MTUS2: variants seen among roughly 807,000 people sequenced by gnomAD.
The protein encoded by MTUS2 is microtubule associated scaffold protein 2, also known as microtubule-associated tumor suppressor candidate 2.
MTUS2 carries 40 observed loss-of-function variants against 114.1 expected under a neutral mutation model. The observed-to-expected ratio is 0.35, with a 90% CI of 0.27 to 0.46. The LOEUF is 0.46. Among genes scored for constraint, MTUS2 ranks in the 20% least tolerant of loss-of-function variants. The pLI is 1.00. For missense variants in MTUS2, 1,679 were observed against 1,705.4 expected, an observed-to-expected ratio of 0.98 and a Z score of 0.27; for synonymous variants, 688 against 672.0, an observed-to-expected ratio of 1.02 and a Z score of -0.37.
chr13:29,185,380 GA>G (rs1215551584), intron 5 of MTUS2, among the ~76,000 whole-genome samples: 1 of 152,156 alleles, frequency 6.6e-6, no homozygotes, highest in Admixed American at 6.5e-5. Flanking sequence ...AAATAAGGGT[GA>G]AAACTTCCCA....
At chr13:28,862,528 A>G (rs970966399) in intron 2 of MTUS2, among the ~76,000 whole-genome samples, 16 of 152,176 alleles carry the variant, frequency 1.1e-4, no homozygotes, top group African/African-American at 3.9e-4. Context: ...CGGGAGAATC[A>G]CTTGAACCTG....
intron 6 of MTUS2, among the ~76,000 whole-genome samples, chr13:29,293,180 T>TAG (rs1330104896): frequency 6.6e-6 from 1 of 152,128 alleles, no homozygotes; most frequent in Non-Finnish European, 1.5e-5. Context: ...AGGAAGATGA[T>TAG]AAACTGATAG....
At chr13:28,966,724 CAAAA>C (rs10597818) in intron 2 of MTUS2, among the ~76,000 whole-genome samples, 141 of 82,292 alleles carry the variant, frequency 1.7e-3, no homozygotes, top group East Asian at 3.3e-3. Flanking sequence ...GACCCTGTCT[CAAAA>C]AAAAAAAAAA....
Position 28,905,667 on chromosome 13 carries a change from T to G in MTUS2, c.-243+65817T>G, listed in dbSNP as rs1012676988. Among the ~76,000 whole-genome samples the G allele has an allele frequency of 7.3e-5, 11 of 151,696 alleles. 1 individual carries two copies. Among genetic ancestry groups the G allele is most frequent in the African/African-American group, 2.4e-4 (10 of 41,098 alleles). ...TGGATTCAGTTTGCCAGTATTTTATTGAGGATTTTTGCATCAATGTTCATC... is the reference window on the plus strand; with the variant it reads ...TGGATTCAGTTTGCCAGTATTTTATGGAGGATTTTTGCATCAATGTTCATC... On this transcript the variant is annotated intron_variant, in intron 2 of 15. Transcript: ENST00000612955.
At chr13:29,409,352 A>AT (rs1875041099) in intron 8 of MTUS2, among the ~76,000 whole-genome samples, 1 of 152,134 alleles carries the variant, frequency 6.6e-6, no homozygotes, top group Non-Finnish European at 1.5e-5. Context: ...CCATTTGTGT[A>AT]TAGTTATTAT....
At chr13:29,380,593 A>C (rs1018955705) in intron 8 of MTUS2, among the ~76,000 whole-genome samples, 1 of 152,216 alleles carries the variant, frequency 6.6e-6, no homozygotes, top group African/African-American at 2.4e-5. Context: ...AGATGGGTTC[A>C]TGGGTCAGTC....
chr13:29,383,932 T>C (rs1872446088), intron 8 of MTUS2, among the ~76,000 whole-genome samples: 1 of 92,392 alleles, frequency 1.1e-5, no homozygotes, highest in Non-Finnish European at 2.7e-5. Flanking sequence ...GAAAACTTAC[T>C]CAGCAAAACA....
intron 2 of MTUS2, among the ~76,000 whole-genome samples, chr13:28,846,640 A>T (rs1695792315): frequency 6.6e-6 from 1 of 152,214 alleles, no homozygotes; most frequent in South Asian, 2.1e-4. Flanking sequence ...CTTCTGCTTC[A>T]TGTAGAAGCA....
At chr13:29,290,532 G>A (rs187146608) in intron 6 of MTUS2, among the ~76,000 whole-genome samples, 120 of 151,924 alleles carry the variant, frequency 7.9e-4, no homozygotes, top group Non-Finnish European at 7.5e-4. Context: ...GGGTTTCACC[G>A]CATTAGCCAG....
chr13:29,430,978 C>T lies in MTUS2; in HGVS notation c.3118-9005C>T, dbSNP rs116916229. Among the ~76,000 whole-genome samples the T allele has an allele frequency of 5.9e-3, 895 of 152,234 alleles. 2 individuals are homozygous for T. Among genetic ancestry groups the T allele is most frequent in the Non-Finnish European group, 9.4e-3 (642 of 68,002 alleles). Reference sequence around the variant, plus strand: ...GATTACCTTAACCTAGCTTAATAAACGTTAAAACAATAAATATCTCCTCAG... The same window carrying T: ...GATTACCTTAACCTAGCTTAATAAATGTTAAAACAATAAATATCTCCTCAG... On this transcript the variant is annotated intron_variant, in intron 8 of 15. Coordinates refer to ENST00000612955, the MANE Select transcript of MTUS2 (RefSeq NM_001033602.4).
chr13:28,842,343 CTG>C (rs1875568788), intron 2 of MTUS2, among the ~76,000 whole-genome samples: 1 of 152,270 alleles, frequency 6.6e-6, no homozygotes, highest in South Asian at 2.1e-4. Flanking sequence ...TTATCCTTGA[CTG>C]TGGAACACCA....
At chr13:29,463,793 G>C (rs1407076833) in intron 9 of MTUS2, among the ~76,000 whole-genome samples, 1 of 152,182 alleles carries the variant, frequency 6.6e-6, no homozygotes, top group African/African-American at 2.4e-5. Flanking sequence ...GAGGTCAGGA[G>C]TTCCAGACCA....
intron 6 of MTUS2, among the ~76,000 whole-genome samples, chr13:29,311,355 T>C (rs1335305213): frequency 6.6e-6 from 1 of 152,204 alleles, no homozygotes; most frequent in Middle Eastern, 3.2e-3. Flanking sequence ...TGGATGTTTG[T>C]TTTATAATTA....
At chr13:29,336,087 A>G (rs1316139600) in intron 7 of MTUS2, among the ~76,000 whole-genome samples, 1 of 151,990 alleles carries the variant, frequency 6.6e-6, no homozygotes, top group Non-Finnish European at 1.5e-5. Context: ...AATTCCTCTA[A>G]CCTTTGTTCA....
intron 8 of MTUS2, among the ~76,000 whole-genome samples, chr13:29,386,897 C>T (rs1241797163): frequency 6.6e-6 from 1 of 152,122 alleles, no homozygotes; most frequent in East Asian, 1.9e-4. Flanking sequence ...TTTCCACTCA[C>T]GGAGGGGAGG....
intron 2 of MTUS2, among the ~76,000 whole-genome samples, chr13:28,881,906 A>G (rs1418846446): frequency 1.3e-5 from 2 of 152,220 alleles, no homozygotes; most frequent in African/African-American, 4.8e-5. Context: ...AAATGAGCCT[A>G]CATATTTATG....
chr13:29,458,865 T>C (rs972248116), intron 9 of MTUS2, among the ~76,000 whole-genome samples: 1 of 152,236 alleles, frequency 6.6e-6, no homozygotes, highest in African/African-American at 2.4e-5. Flanking sequence ...GAGGGATATT[T>C]TACTCCCATG....
chr13:29,084,897 T>C (rs1232494129), intron 4 of MTUS2, among the ~76,000 whole-genome samples: 2 of 151,640 alleles, frequency 1.3e-5, no homozygotes, highest in Non-Finnish European at 2.9e-5. Flanking sequence ...ACTAGTGATA[T>C]GGTTTGGATG....
chr13:29,117,106 T>C (rs367785874), intron 5 of MTUS2, among the ~76,000 whole-genome samples: 7 of 152,210 alleles, frequency 4.6e-5, no homozygotes, highest in African/African-American at 1.7e-4. Flanking sequence ...TTCATGATAC[T>C]TTCTCTAGTT....
Sources: allele counts gnomAD v4.1 joint callset (sites outside exome capture counted in the v4.1 genomes callset), GRCh38; gene constraint gnomAD v4.1.1; transcripts MANE v1.5; gene names NCBI Gene and HGNC (gene_info 2026-07-23, HGNC 2026-07-21).